The following COLGALT2 variants were observed in gnomAD, a reference collection of about 807,000 sequenced individuals.
The protein encoded by COLGALT2 is collagen beta(1-O)galactosyltransferase 2, also known as procollagen galactosyltransferase 2.
COLGALT2 carries 49 observed loss-of-function variants against 73.4 expected under a neutral mutation model. The observed-to-expected ratio is 0.67, with a 90% CI of 0.53 to 0.85. The LOEUF (loss-of-function observed/expected upper bound fraction) is 0.85. Ranked by LOEUF, COLGALT2 falls within the 40% of genes least tolerant of loss-of-function variation. COLGALT2 has a pLI of 0.00. For synonymous variants in COLGALT2, 295 were observed against 307.6 expected, an observed-to-expected ratio of 0.96 and a Z score of 0.43; for missense variants, 722 against 790.2, an observed-to-expected ratio of 0.91 and a Z score of 1.03.
intron 7 of COLGALT2, among the ~76,000 whole-genome samples, chr1:183,952,757 T>C (rs1670434933): frequency 6.6e-6 from 1 of 152,226 alleles, no homozygotes; most frequent in Non-Finnish European, 1.5e-5. Context: ...GCATCCTAAT[T>C]TTACTACCTT....
chr1:184,011,799 C>A (rs944237571), intron 1 of COLGALT2, among the ~76,000 whole-genome samples: 1 of 152,176 alleles, frequency 6.6e-6, no homozygotes, highest in Non-Finnish European at 1.5e-5. Context: ...TCAATCTGGG[C>A]AGTTGGTTAA....
At chr1:183,965,939 C>A (rs556968437) in intron 5 of COLGALT2, among the ~76,000 whole-genome samples, 57 of 151,996 alleles carry the variant, frequency 3.8e-4, no homozygotes, top group African/African-American at 1.4e-3. Context: ...ATGCAGAGGG[C>A]AAAAAGGAAG....
chr1:183,949,085 A>T (rs1342972280), intron 8 of COLGALT2, among the ~76,000 whole-genome samples: 1 of 152,212 alleles, frequency 6.6e-6, no homozygotes, highest in Non-Finnish European at 1.5e-5. Context: ...ACTAAAGAAG[A>T]TCTAAATAAT....
Position 183,984,147 on chromosome 1 carries a change from G to A in COLGALT2, c.264-5627C>T, listed in dbSNP as rs560992568. ...GGAAAGGCTGGACACAGTGGCTCAC[G>A]CCTGTAATCCCAGCACTTTGGGAGG... On this transcript the variant is annotated intron_variant, in intron 1 of 11. Transcript: ENST00000361927. Among the ~76,000 whole-genome samples, 172 of 152,322 alleles carry A rather than the reference G, an allele frequency of 1.1e-3. 1 individual carries two copies. In the South Asian group the frequency reaches 0.017, roughly 15 times the overall value.
At chr1:183,996,724 G>A (rs535602347) in intron 1 of COLGALT2, among the ~76,000 whole-genome samples, 43 of 152,318 alleles carry the variant, frequency 2.8e-4, no homozygotes, top group African/African-American at 1.0e-3. Flanking sequence ...GAAGCCTGCA[G>A]TTCTCTCTCA....
At chr1:183,976,920 A>T (rs928018760) in intron 2 of COLGALT2, among the ~76,000 whole-genome samples, 1 of 152,204 alleles carries the variant, frequency 6.6e-6, no homozygotes, top group Non-Finnish European at 1.5e-5. Context: ...AAAGAAGGAA[A>T]GGGTCTTCCA....
rs374510490 is a variant in COLGALT2 at position 183,936,894 on chromosome 1, G to A, written c.*1867C>T. 165 of 1,231,750 alleles carry A rather than the reference G, an allele frequency of 1.3e-4. 2 individuals are homozygous for A. In the African/African-American group the frequency reaches 2.0e-3, roughly 15 times the overall value. The allele number at this position is 1,231,750 out of a possible 1,614,324, so 76.3% of individuals were successfully genotyped here. ...GTCGGGAAGGAAGGCCGAGGCTGGC[G>A]TCTGGTGGAAGGCAAGCTGCCTCTT... On this transcript the variant is annotated 3_prime_UTR_variant, in exon 12 of 12. Coordinates refer to ENST00000361927, the MANE Select transcript of COLGALT2 (RefSeq NM_015101.4).
At chr1:184,000,179 T>C (rs1409407855) in intron 1 of COLGALT2, among the ~76,000 whole-genome samples, 1 of 152,220 alleles carries the variant, frequency 6.6e-6, no homozygotes, top group Admixed American at 6.5e-5. Context: ...GAATGTGATA[T>C]GATGCCAATT....
Position 183,945,571 on chromosome 1 carries a change from C to G in COLGALT2, c.1137-7G>C. On this transcript the variant is annotated splice_polypyrimidine_tract_variant and splice_region_variant and intron_variant, in intron 8 of 11. Coordinates refer to ENST00000361927, the MANE Select transcript of COLGALT2 (RefSeq NM_015101.4). Reference sequence around the variant, plus strand: ...CTGGCTTGTGTTGAGTGCCCTGCATCACATAAAACACGTCTGGAGATTAAC... The same window carrying G: ...CTGGCTTGTGTTGAGTGCCCTGCATGACATAAAACACGTCTGGAGATTAAC... 1 of 1,613,750 alleles carries G rather than the reference C, an allele frequency of 6.2e-7. No homozygotes were observed. Among genetic ancestry groups the G allele is most frequent in the Non-Finnish European group, 8.5e-7 (1 of 1,179,876 alleles).
intron 1 of COLGALT2, among the ~76,000 whole-genome samples, chr1:184,004,554 CT>C (rs1235350320): frequency 6.6e-6 from 1 of 152,154 alleles, no homozygotes; most frequent in Non-Finnish European, 1.5e-5. Context: ...GCAACTACTT[CT>C]CTATAAAAAT....
chr1:183,942,344 A>G (rs1670139149), intron 10 of COLGALT2, among the ~76,000 whole-genome samples: 1 of 152,236 alleles, frequency 6.6e-6, no homozygotes, highest in South Asian at 2.1e-4. Context: ...ACAAAAAAAA[A>G]AAGAAGGTAA....
At chr1:183,994,562 C>A (rs1671720372) in intron 1 of COLGALT2, among the ~76,000 whole-genome samples, 1 of 152,174 alleles carries the variant, frequency 6.6e-6, no homozygotes, top group African/African-American at 2.4e-5. Context: ...TCAAGCGATT[C>A]TCCTGCCTCA....
At chr1:184,008,623 G>T (rs10911490) in intron 1 of COLGALT2, among the ~76,000 whole-genome samples, 5,324 of 152,154 alleles carry the variant, frequency 0.035, 290 homozygotes, top group African/African-American at 0.12. Context: ...ACAGTTACTT[G>T]GGAGGCTAAG....
intron 5 of COLGALT2, chr1:183,964,557 C>T (rs1210945158): frequency 6.5e-6 from 1 of 152,866 alleles, no homozygotes; most frequent in African/African-American, 2.4e-5. Flanking sequence ...CTTCCCTTAG[C>T]AGGCATGGAT....
At chr1:183,986,802 G>A (rs1558326566) in intron 1 of COLGALT2, among the ~76,000 whole-genome samples, 1 of 152,066 alleles carries the variant, frequency 6.6e-6, no homozygotes, top group African/African-American at 2.4e-5. Flanking sequence ...AGAAGGCTGA[G>A]GATGAGAGGT....
intron 1 of COLGALT2, among the ~76,000 whole-genome samples, chr1:184,011,440 C>T (rs1648778452): frequency 6.6e-6 from 1 of 152,172 alleles, no homozygotes. Context: ...AGAGTAATTC[C>T]AACCTCCAGT....
intron 10 of COLGALT2, among the ~76,000 whole-genome samples, chr1:183,942,779 A>C (rs1051993945): frequency 6.6e-6 from 1 of 152,228 alleles, no homozygotes; most frequent in Non-Finnish European, 1.5e-5. Flanking sequence ...AAATTTAGAA[A>C]ACATTTTTTT....
chr1:183,936,795 A>G lies in COLGALT2; in HGVS notation c.*1966T>C. 8.1e-7 allele frequency: 1 copy of G among 1,231,556 alleles called. No individual in the cohort carries two copies. The highest frequency in any genetic ancestry group is 1.0e-6 in the Non-Finnish European group (1 of 987,938). The allele number at this position is 1,231,556 out of a possible 1,614,324, so 76.3% of individuals were successfully genotyped here. A position where few individuals can be genotyped will look rare whatever the true frequency, so the allele number is the denominator to read the frequency against. Reference sequence around the variant, plus strand: ...CTGACAGCTAAGTCTAAGCGGCACAATTTAGAGTTGGGTGAGTTCCCTTTC... The same window carrying G: ...CTGACAGCTAAGTCTAAGCGGCACAGTTTAGAGTTGGGTGAGTTCCCTTTC... On this transcript the variant is annotated 3_prime_UTR_variant, in exon 12 of 12. Coordinates refer to ENST00000361927, the MANE Select transcript of COLGALT2 (RefSeq NM_015101.4).
chr1:183,936,482 T>A lies in COLGALT2; in HGVS notation c.*2279A>T, dbSNP rs1669958191. On this transcript the variant is annotated 3_prime_UTR_variant, in exon 12 of 12. Coordinates refer to ENST00000361927, the MANE Select transcript of COLGALT2 (RefSeq NM_015101.4). ...ATTTAAGTCCAAAGTCTTTTAAGAA[T>A]GAGAGTTCTTAAATCTGTCAGACCA... 3.0e-6 allele frequency: 3 copies of A among 997,080 alleles called. No individual in the cohort carries two copies. The highest frequency in any genetic ancestry group is 1.2e-6 in the Non-Finnish European group (1 of 837,920). The allele number at this position is 997,080 out of a possible 1,614,324, so 61.8% of individuals were successfully genotyped here.
Sources: allele counts gnomAD v4.1 joint callset (sites outside exome capture counted in the v4.1 genomes callset), GRCh38; gene constraint gnomAD v4.1.1; transcripts MANE v1.5; gene names NCBI Gene and HGNC (gene_info 2026-07-23, HGNC 2026-07-21).